GMPR: variants seen among roughly 807,000 people sequenced by gnomAD.
The protein encoded by GMPR is GMP reductase 1.
Under a neutral mutation model 38.4 loss-of-function variants are expected in GMPR, and 31 were observed. That is an observed-to-expected ratio of 0.81 (90% CI 0.61 to 1.09). The LOEUF (loss-of-function observed/expected upper bound fraction) is 1.09. GMPR is among the 50% of genes least tolerant of loss of function. The pLI, the probability that GMPR is intolerant of heterozygous loss-of-function variation, is 0.00. For synonymous variants in GMPR, 162 were observed against 173.3 expected (o/e 0.93, Z 0.51); for missense variants, 468 against 453.7 (o/e 1.03, Z -0.29).
At chr6:16,271,520 C>T (rs1759385342) in intron 4 of GMPR, among the ~76,000 whole-genome samples, 1 of 152,148 alleles carries the variant, frequency 6.6e-6, no homozygotes, top group Admixed American at 6.6e-5. Flanking sequence ...GTGTGGTGGG[C>T]TTAGAGTAGC....
intron 4 of GMPR, chr6:16,262,506 C>G (rs1759106602): frequency 1.3e-5 from 2 of 152,004 alleles, no homozygotes; most frequent in Admixed American, 1.3e-4. Flanking sequence ...TGCTGCGGTT[C>G]AGGCGTTTGG....
chr6:16,280,140 T>A, intron 6 of GMPR, among the ~76,000 whole-genome samples: 1 of 152,098 alleles, frequency 6.6e-6, no homozygotes. Flanking sequence ...GCTGGTGTGG[T>A]GATCACTATG....
At chr6:16,271,414 A>C (rs1759383754) in intron 4 of GMPR, among the ~76,000 whole-genome samples, 1 of 152,210 alleles carries the variant, frequency 6.6e-6, no homozygotes, top group African/African-American at 2.4e-5. Flanking sequence ...TGAGCCTGGG[A>C]AGTTCAGGCT....
intron 6 of GMPR, 62 bp from the exon 7 acceptor site, chr6:16,285,731 A>T: frequency 1.5e-6 from 2 of 1,374,302 alleles, no homozygotes; most frequent in South Asian, 1.2e-5. Flanking sequence ...ATCTGGGGGG[A>T]GGGGACAGCC....
At chr6:16,271,084 A>G (rs898037975) in intron 4 of GMPR, among the ~76,000 whole-genome samples, 1 of 152,232 alleles carries the variant, frequency 6.6e-6, no homozygotes. Flanking sequence ...TGTACCTGGT[A>G]CGTCTATGGT....
At chr6:16,265,944 G>A (rs1242636702) in intron 4 of GMPR, among the ~76,000 whole-genome samples, 4 of 152,032 alleles carry the variant, frequency 2.6e-5, no homozygotes. Flanking sequence ...AGACCACGAA[G>A]CCACCCGCCG....
chr6:16,262,452 T>C (rs1472017317), intron 4 of GMPR: 2 of 152,006 alleles, frequency 1.3e-5, no homozygotes, highest in African/African-American at 4.8e-5. Flanking sequence ...TTCTGGCACT[T>C]GTAGCAAGCT....
intron 6 of GMPR, 150 bp from the exon 7 acceptor site, chr6:16,285,643 C>A: frequency 1.5e-6 from 1 of 679,786 alleles, no homozygotes. Flanking sequence ...GATCAGACAA[C>A]AACAGCCGTG....
In GMPR at chr6:16,290,565, C is replaced by T. The variant is rs564026252; in HGVS notation, c.801C>T (p.Tyr267=). The T allele has an allele frequency of 8.1e-6, 13 of 1,613,916 alleles. No homozygotes were observed. Among genetic ancestry groups the T allele is most frequent in the Middle Eastern group, 1.7e-4 (1 of 6,060 alleles). ...ACGGACGGAAGCTCAAGCTCTTCTACGGGATGAGCTCTGACACCGCCATGA... is the reference window on the plus strand; with the variant it reads ...ACGGACGGAAGCTCAAGCTCTTCTATGGGATGAGCTCTGACACCGCCATGA... ...ERNGRKLKLF[Y]GMSSDTAMNK... Residue 267 remains tyrosine (Y), a synonymous_variant, in exon 8 of 9, where the codon TAC becomes TAT. Coordinates refer to ENST00000259727, the MANE Select transcript of GMPR (RefSeq NM_006877.4).
At chr6:16,241,394 C>T (rs935983596) in intron 1 of GMPR, among the ~76,000 whole-genome samples, 2 of 152,302 alleles carry the variant, frequency 1.3e-5, no homozygotes, top group South Asian at 4.1e-4. Flanking sequence ...AAGGACATTT[C>T]CACCAGCCTT....
At chr6:16,243,961 G>T (rs1292598970) in intron 1 of GMPR, among the ~76,000 whole-genome samples, 5 of 152,204 alleles carry the variant, frequency 3.3e-5, no homozygotes, top group Non-Finnish European at 7.3e-5. Flanking sequence ...ACAGCTTTGT[G>T]TGCTGACTGA....
chr6:16,274,961 T>G (rs550748543), intron 5 of GMPR, among the ~76,000 whole-genome samples: 19 of 152,212 alleles, frequency 1.2e-4, no homozygotes, highest in Non-Finnish European at 1.8e-4. Context: ...TAGGTAATGA[T>G]CACCTTTGGT....
chr6:16,277,516 G>A (rs187290746), intron 5 of GMPR, among the ~76,000 whole-genome samples: 11 of 152,334 alleles, frequency 7.2e-5, no homozygotes, highest in African/African-American at 2.6e-4. Context: ...GGCTGAGTGA[G>A]TGGCAGTGGA....
At chr6:16,254,150 C>T (rs1280655994) in intron 3 of GMPR, among the ~76,000 whole-genome samples, 2 of 152,152 alleles carry the variant, frequency 1.3e-5, no homozygotes, top group African/African-American at 4.8e-5. Context: ...AGGCTTGTCT[C>T]GAACTCCTGA....
chr6:16,278,022 G>A lies in GMPR; in HGVS notation c.548-762G>A, dbSNP rs188583042. On this transcript the variant is annotated intron_variant, in intron 5 of 8. Transcript: ENST00000259727. The stretch of plus-strand genomic sequence containing the variant: ...GTGCGACTTGGCCTGGACCTAACTG[G>A]GAGAACAACCAGGACTGGGGCTGAC... 4.8e-4 allele frequency among the ~76,000 whole-genome samples: 73 copies of A among 152,284 alleles called. 1 individual carries two copies. Among genetic ancestry groups the A allele is most frequent in the African/African-American group, 1.6e-3 (66 of 41,546 alleles).
intron 6 of GMPR, among the ~76,000 whole-genome samples, chr6:16,283,313 G>A (rs1339538815): frequency 6.6e-6 from 1 of 152,114 alleles, no homozygotes; most frequent in Non-Finnish European, 1.5e-5. Context: ...CAACCTTTCA[G>A]CAGCTATGAA....
intron 7 of GMPR, among the ~76,000 whole-genome samples, chr6:16,287,664 T>G (rs1476101430): frequency 6.6e-6 from 1 of 152,222 alleles, no homozygotes; most frequent in Non-Finnish European, 1.5e-5. Flanking sequence ...GCTGTGCTCC[T>G]GAATTGTCAA....
intron 1 of GMPR, among the ~76,000 whole-genome samples, chr6:16,241,547 T>C (rs1758648261): frequency 6.6e-6 from 1 of 152,204 alleles, no homozygotes; most frequent in African/African-American, 2.4e-5. Flanking sequence ...CATGGAAGAA[T>C]AAAGCGCCAC....
rs551625171 is a variant in GMPR at position 16,295,006 on chromosome 6, A to T, written c.858A>T (p.Arg286Ser). 3.4e-5 allele frequency: 55 copies of T among 1,605,796 alleles called. 1 individual carries two copies. The South Asian group carries it at 6.0e-4, about 17-fold the overall frequency. ...AAAGAAAACTTCTATCGTCTTCCAG[A>T]GCCTCTGAGGGTAAGACTGTGGAAG... The part of the protein sequence containing the change: ...NKHAGGVAEY[R>S]ASEGKTVEVP... The change falls in exon 9 of 9, where the codon AGA becomes AGT. Residue 286 changes from arginine to serine, a missense_variant and splice_region_variant. Arg to Ser is a moderately radical substitution (Grantham distance 110). Coordinates refer to ENST00000259727, the MANE Select transcript of GMPR (RefSeq NM_006877.4).
Sources: gnomAD v4.1 joint callset for allele counts (sites outside exome capture counted in the v4.1 genomes callset) on GRCh38, gnomAD v4.1.1 for gene constraint, MANE v1.5 for transcripts, NCBI Gene and HGNC (gene_info 2026-07-23, HGNC 2026-07-21) for gene names.